The following DIAPH3 variants were observed in gnomAD, a reference collection of about 807,000 sequenced individuals.
DIAPH3 encodes diaphanous related formin 3.
In DIAPH3, 117 loss-of-function variants were observed where a neutral mutation model predicts 144.3. That is an observed-to-expected ratio of 0.81 (90% CI 0.70 to 0.95). The LOEUF is 0.95. Ranked by LOEUF, DIAPH3 falls within the 40% of genes least tolerant of loss-of-function variation. The probability of loss-of-function intolerance (pLI) is 0.00; values close to 1 mark genes in which losing one functional copy is unlikely to be tolerated. For synonymous variants in DIAPH3, 519 were observed against 488.9 expected (o/e 1.06, Z -0.81); for missense variants, 1,421 against 1,412.7 (o/e 1.01, Z -0.09).
At chr13:59,984,302 T>C (rs887744500) in intron 12 of DIAPH3, among the ~76,000 whole-genome samples, 3 of 151,716 alleles carry the variant, frequency 2.0e-5, no homozygotes, top group Non-Finnish European at 4.4e-5. Flanking sequence ...AAAAGTTTTA[T>C]GGGAGTATGT....
At chr13:60,129,636 C>T (rs982827155) in intron 2 of DIAPH3, among the ~76,000 whole-genome samples, 4 of 152,104 alleles carry the variant, frequency 2.6e-5, no homozygotes, top group African/African-American at 9.7e-5. Flanking sequence ...CATTGCTATT[C>T]TTATATGCCT....
chr13:59,807,955 T>C (rs900907071), intron 25 of DIAPH3, among the ~76,000 whole-genome samples: 1 of 151,972 alleles, frequency 6.6e-6, no homozygotes, highest in African/African-American at 2.4e-5. Context: ...AATATTAGAA[T>C]GCTTTTGGTA....
intron 1 of DIAPH3, among the ~76,000 whole-genome samples, chr13:60,145,688 G>C (rs1478385994): frequency 6.6e-6 from 1 of 151,974 alleles, no homozygotes; most frequent in Admixed American, 6.6e-5. Flanking sequence ...ATGGAGGGGG[G>C]TTGCAATTTC....
intron 19 of DIAPH3, among the ~76,000 whole-genome samples, chr13:59,912,900 A>G (rs9563775): frequency 0.077 from 11,690 of 152,208 alleles, 758 homozygotes; most frequent in East Asian, 0.39. Flanking sequence ...CCTTTGGACA[A>G]AAACTTGGTT....
At chr13:59,884,351 T>A (rs905008567) in intron 20 of DIAPH3, among the ~76,000 whole-genome samples, 4 of 152,104 alleles carry the variant, frequency 2.6e-5, no homozygotes. Context: ...TACAATGTAA[T>A]AATAGAAATA....
intron 27 of DIAPH3, among the ~76,000 whole-genome samples, chr13:59,693,170 C>T (rs1210807062): frequency 3.9e-5 from 6 of 152,052 alleles, no homozygotes; most frequent in South Asian, 2.1e-4. Flanking sequence ...TGAAGGCCTC[C>T]GGTGGAAGGC....
At chr13:59,924,158 T>C (rs1438181733) in intron 18 of DIAPH3, among the ~76,000 whole-genome samples, 2 of 152,170 alleles carry the variant, frequency 1.3e-5, no homozygotes, top group Non-Finnish European at 2.9e-5. Flanking sequence ...TTAGAGTAGT[T>C]AGAAATGAGT....
At chr13:60,073,616 T>C (rs994869183) in intron 4 of DIAPH3, among the ~76,000 whole-genome samples, 1 of 152,234 alleles carries the variant, frequency 6.6e-6, no homozygotes, top group Non-Finnish European at 1.5e-5. Context: ...CCTCTATTTT[T>C]CATTTATGGT....
intron 22 of DIAPH3, among the ~76,000 whole-genome samples, chr13:59,854,223 T>A (rs958642838): frequency 6.6e-6 from 1 of 152,092 alleles, no homozygotes; most frequent in Non-Finnish European, 1.5e-5. Flanking sequence ...AAGAGAAGCA[T>A]GGATGCTTCC....
chr13:59,960,719 A>G (rs1243809310), intron 17 of DIAPH3, among the ~76,000 whole-genome samples: 29 of 152,190 alleles, frequency 1.9e-4, no homozygotes, highest in Admixed American at 1.9e-3. Flanking sequence ...GCTTTTCAAG[A>G]TCACCCCCAA....
chr13:60,103,345 T>C (rs2058325606), intron 3 of DIAPH3, among the ~76,000 whole-genome samples: 1 of 152,096 alleles, frequency 6.6e-6, no homozygotes, highest in Non-Finnish European at 1.5e-5. Flanking sequence ...TAAATTTACA[T>C]ACATCAAGTT....
intron 25 of DIAPH3, among the ~76,000 whole-genome samples, chr13:59,791,652 T>C (rs1024948152): frequency 1.3e-5 from 2 of 152,198 alleles, no homozygotes; most frequent in Admixed American, 6.5e-5. Flanking sequence ...TGCTGACTTA[T>C]ATTTAAAGGT....
At chr13:60,048,050 G>T (rs1338268616) in intron 4 of DIAPH3, among the ~76,000 whole-genome samples, 1 of 152,216 alleles carries the variant, frequency 6.6e-6, no homozygotes, top group Non-Finnish European at 1.5e-5. Context: ...ACAATGCAGG[G>T]CCCATGGTGA....
chr13:59,925,574 A>G (rs1430000445), intron 17 of DIAPH3, among the ~76,000 whole-genome samples: 1 of 152,168 alleles, frequency 6.6e-6, no homozygotes, highest in Non-Finnish European at 1.5e-5. Flanking sequence ...TTGTAGCATG[A>G]GTTAGGAAGA....
At chr13:59,769,962 A>G (rs1337164352) in intron 27 of DIAPH3, among the ~76,000 whole-genome samples, 1 of 152,118 alleles carries the variant, frequency 6.6e-6, no homozygotes, top group Non-Finnish European at 1.5e-5. Flanking sequence ...CCCTGTACTC[A>G]TCAACAAATA....
At chr13:60,068,943 A>G (rs1456444345) in intron 4 of DIAPH3, among the ~76,000 whole-genome samples, 1 of 87,112 alleles carries the variant, frequency 1.1e-5, no homozygotes, top group Non-Finnish European at 2.5e-5. Context: ...AAGTGCTGCA[A>G]TGAACATGTG....
At chr13:60,140,791 T>G (rs1311664259) in intron 1 of DIAPH3, among the ~76,000 whole-genome samples, 1 of 151,062 alleles carries the variant, frequency 6.6e-6, no homozygotes, top group African/African-American at 2.4e-5. Context: ...TAAAAATGTA[T>G]GTATTAGTAA....
chr13:60,009,567 T>C (rs2053112286), intron 8 of DIAPH3, among the ~76,000 whole-genome samples: 1 of 152,244 alleles, frequency 6.6e-6, no homozygotes, highest in Non-Finnish European at 1.5e-5. Flanking sequence ...CCAACATTTA[T>C]ATGGCCTTAA....
intron 1 of DIAPH3, among the ~76,000 whole-genome samples, chr13:60,136,658 G>A (rs1004709482): frequency 3.3e-5 from 5 of 151,992 alleles, no homozygotes; most frequent in Non-Finnish European, 7.4e-5. Flanking sequence ...CAATTCTGCC[G>A]GGCGCGGCGG....
Sources: allele counts gnomAD v4.1 joint callset (sites outside exome capture counted in the v4.1 genomes callset), GRCh38; gene constraint gnomAD v4.1.1; transcripts MANE v1.5; gene names NCBI Gene and HGNC (gene_info 2026-07-23, HGNC 2026-07-21).